Variants in RAMP1 observed in about 807,000 individuals in gnomAD.
The protein encoded by RAMP1 is receptor activity modifying protein 1.
RAMP1 carries 7 observed loss-of-function variants against 8.2 expected under a neutral mutation model. The ratio of observed to expected loss-of-function variants is 0.85; its 90% CI spans 0.49 to 1.60. The LOEUF is 1.60. RAMP1 is among the 40% of genes most tolerant of loss of function. RAMP1 has a pLI of 0.00. For synonymous variants in RAMP1, 92 were observed against 84.7 expected (o/e 1.09, Z -0.47); for missense variants, 192 against 202.4 (o/e 0.95, Z 0.31).
rs1432634937 is a variant in RAMP1, at chr2:237,878,945, C to T, written c.191+1583C>T. Reference sequence around the variant, plus strand: ...GACACAGTGAACCAGGGAGCCCACCCCAACCCTCTGGGGTCTCCAGGGGCC... The same window carrying T: ...GACACAGTGAACCAGGGAGCCCACCTCAACCCTCTGGGGTCTCCAGGGGCC... On this transcript the variant is annotated intron_variant, in intron 2 of 2. Coordinates refer to ENST00000254661, the MANE Select transcript of RAMP1 (RefSeq NM_005855.4). The surrounding 1 kb of genome is among the most constrained non-coding windows in gnomAD (Gnocchi z 5.7). 6.6e-6 allele frequency among the ~76,000 whole-genome samples: 1 copy of T among 152,230 alleles called. No homozygotes were observed. The highest frequency in any genetic ancestry group is 1.5e-5 in the Non-Finnish European group (1 of 68,044).
At chr2:237,910,462 CAG>C (rs777085150) in intron 2 of RAMP1, among the ~76,000 whole-genome samples, 132 of 151,896 alleles carry the variant, frequency 8.7e-4, no homozygotes, top group Admixed American at 2.6e-3. Context: ...CAGTCACACA[CAG>C]AGAATAACAG....
At position 237,905,714 on chromosome 2, in the gene RAMP1, A is replaced by G. The variant is rs142813141; in HGVS notation, c.192-5814A>G. Among the ~76,000 whole-genome samples the G allele has an allele frequency of 6.1e-3, 928 of 152,240 alleles. 8 individuals carry two copies. Among genetic ancestry groups the G allele is most frequent in the African/African-American group, 0.021 (888 of 41,550 alleles). ...GAGATATGGGAGAGGATCATCATTCAAAGCAGGCTTCATTGGTCAGATGCA... is the reference window on the plus strand; with the variant it reads ...GAGATATGGGAGAGGATCATCATTCGAAGCAGGCTTCATTGGTCAGATGCA... On this transcript the variant is annotated intron_variant, in intron 2 of 2. Coordinates refer to ENST00000254661, the MANE Select transcript of RAMP1 (RefSeq NM_005855.4).
intron 2 of RAMP1, among the ~76,000 whole-genome samples, chr2:237,882,353 G>A (rs759025894): frequency 2.0e-5 from 3 of 152,220 alleles, no homozygotes; most frequent in South Asian, 2.1e-4. Context: ...CAAGAAACGC[G>A]TTTACTGTAG....
intron 1 of RAMP1, among the ~76,000 whole-genome samples, chr2:237,873,019 T>C (rs2062262398): frequency 6.6e-6 from 1 of 152,040 alleles, no homozygotes; most frequent in African/African-American, 2.4e-5. Context: ...CAAGACCCCG[T>C]CTCAAAATCA....
Position 237,862,685 on chromosome 2 carries a change from C to T in RAMP1, c.52+2958C>T, listed in dbSNP as rs1198718662. Among the ~76,000 whole-genome samples the T allele has an allele frequency of 6.6e-6, 1 of 152,144 alleles. No homozygotes were observed. The highest frequency in any genetic ancestry group is 1.5e-5 in the Non-Finnish European group (1 of 68,026). ...AGCCCCTCGGGCTTGCCTGCCAGTG[C>T]CCCTGCCAGTGCCCCCACCCCCAAC... On this transcript the variant is annotated intron_variant, in intron 1 of 2. Transcript: ENST00000254661. This position sits in a 1 kb window ranked among gnomAD's most constrained non-coding sequence, Gnocchi z 4.0.
chr2:237,873,028 CAAATA>C (rs2062262514), intron 1 of RAMP1, among the ~76,000 whole-genome samples: 1 of 152,144 alleles, frequency 6.6e-6, no homozygotes, highest in Non-Finnish European at 1.5e-5. Context: ...GTCTCAAAAT[CAAATA>C]AAATAAACAG....
intron 2 of RAMP1, among the ~76,000 whole-genome samples, chr2:237,904,743 G>A (rs111279385): frequency 6.6e-6 from 1 of 152,166 alleles, no homozygotes; most frequent in Admixed American, 6.5e-5. Context: ...AAATGTATAC[G>A]TCATGAGCCA....
chr2:237,902,567 G>A (rs1338143168), intron 2 of RAMP1, among the ~76,000 whole-genome samples: 1 of 152,082 alleles, frequency 6.6e-6, no homozygotes, highest in Admixed American at 6.5e-5. Context: ...TCCTGCCTCA[G>A]AGTTGGGTCC....
chr2:237,905,059 C>T (rs1055377128), intron 2 of RAMP1, among the ~76,000 whole-genome samples: 3 of 152,172 alleles, frequency 2.0e-5, no homozygotes, highest in African/African-American at 4.8e-5. Context: ...ATGCTGGAAA[C>T]TCCCACCATA....
chr2:237,866,738 T>C (rs201482056), intron 1 of RAMP1, among the ~76,000 whole-genome samples: 2 of 149,830 alleles, frequency 1.3e-5, no homozygotes, highest in Admixed American at 6.6e-5. Context: ...TTTTTTTTTT[T>C]CTTTTTTTGA....
intron 1 of RAMP1, among the ~76,000 whole-genome samples, chr2:237,875,393 G>A (rs3820802): frequency 0.2 from 29,644 of 151,922 alleles, 3,187 homozygotes; most frequent in African/African-American, 0.29. Flanking sequence ...CGGGGTGCCC[G>A]GAGGAGGCTG....
chr2:237,885,785 G>A (rs1326707524), intron 2 of RAMP1, among the ~76,000 whole-genome samples: 1 of 152,226 alleles, frequency 6.6e-6, no homozygotes, highest in Non-Finnish European at 1.5e-5. Context: ...CTGGCTAGAT[G>A]TCTGTTCCCC....
chr2:237,883,939 G>A (rs567367060), intron 2 of RAMP1, among the ~76,000 whole-genome samples: 31 of 95,404 alleles, frequency 3.2e-4, no homozygotes, highest in East Asian at 5.9e-4. Flanking sequence ...TTTTTTTTGC[G>A]CATTCAGGGT....
chr2:237,874,924 C>A lies in RAMP1; in HGVS notation c.53-2300C>A, dbSNP rs142374502. On this transcript the variant is annotated intron_variant, in intron 1 of 2. Coordinates refer to ENST00000254661, the MANE Select transcript of RAMP1 (RefSeq NM_005855.4). ...CCCATAGGTAGGATCAGCCGGGGGC[C>A]TCTTGGAGGACAGGGCAGCGGAGGA... 2.9e-3 allele frequency among the ~76,000 whole-genome samples: 439 copies of A among 152,212 alleles called. 3 individuals carry two copies. Among genetic ancestry groups the A allele is most frequent in the African/African-American group, 0.01 (419 of 41,524 alleles).
chr2:237,901,291 C>T lies in RAMP1; in HGVS notation c.192-10237C>T, dbSNP rs141034974. On this transcript the variant is annotated intron_variant, in intron 2 of 2. Coordinates refer to ENST00000254661, the MANE Select transcript of RAMP1 (RefSeq NM_005855.4). Reference sequence around the variant, plus strand: ...GAGTAAGGGGGATTTTTGCTCTTACCCTCCCTGCCCCGGTGGTGTCTGCAG... The same window carrying T: ...GAGTAAGGGGGATTTTTGCTCTTACTCTCCCTGCCCCGGTGGTGTCTGCAG... Among the ~76,000 whole-genome samples the T allele has an allele frequency of 1.2e-3, 180 of 152,304 alleles. 1 individual carries two copies. The highest frequency in any genetic ancestry group is 3.9e-3 in the African/African-American group (162 of 41,574).
At chr2:237,859,282 A>C (rs2062107776), upstream of RAMP1, among the ~76,000 whole-genome samples, 1 of 152,248 alleles carries the variant, frequency 6.6e-6, no homozygotes, top group Non-Finnish European at 1.5e-5. Context: ...AGGAACGCCC[A>C]GAACCTCGGA....
intron 2 of RAMP1, among the ~76,000 whole-genome samples, chr2:237,899,689 G>A (rs960540516): frequency 3.9e-5 from 6 of 152,250 alleles, no homozygotes; most frequent in African/African-American, 1.2e-4. Context: ...GTGCGCATGC[G>A]TTGAGACGCA....
rs1323560625 is a variant in RAMP1, at chr2:237,878,021, G to A, written c.191+659G>A. ...CAGGCTCCTCTGCCTCCAGAGCGGCGATCAGAACTCGGCATGTCCGCAATC... is the reference window on the plus strand; with the variant it reads ...CAGGCTCCTCTGCCTCCAGAGCGGCAATCAGAACTCGGCATGTCCGCAATC... On this transcript the variant is annotated intron_variant, in intron 2 of 2. Transcript: ENST00000254661. The surrounding 1 kb of genome is among the most constrained non-coding windows in gnomAD (Gnocchi z 5.7). 1.0e-5 allele frequency: 10 copies of A among 985,440 alleles called. No individual in the cohort carries two copies. The highest frequency in any genetic ancestry group is 1.2e-5 in the Non-Finnish European group (10 of 829,928). The allele number at this position is 985,440 out of a possible 1,614,324, so 61.0% of individuals were successfully genotyped here.
chr2:237,911,157 C>T (rs114147813), intron 2 of RAMP1, among the ~76,000 whole-genome samples: 5,676 of 152,380 alleles, frequency 0.037, 365 homozygotes, highest in African/African-American at 0.13. Context: ...CACACACAGA[C>T]GCGACACCAG....
Sources: gnomAD v4.1 joint callset for allele counts (sites outside exome capture counted in the v4.1 genomes callset) on GRCh38, gnomAD v4.1.1 for gene constraint, Gnocchi (gnomAD v3.1) non-coding constraint, MANE v1.5 for transcripts, NCBI Gene and HGNC (gene_info 2026-07-23, HGNC 2026-07-21) for gene names.